Variants in LMBR1 observed in about 807,000 individuals in gnomAD.
The protein encoded by LMBR1 is limb region 1 protein homolog.
In LMBR1, 52 loss-of-function variants were observed where a neutral mutation model predicts 73.9. The observed-to-expected ratio is 0.70, with a 90% CI of 0.56 to 0.89. LMBR1 has a LOEUF of 0.89. LMBR1 is among the 40% of genes least tolerant of loss of function. LMBR1 has a pLI of 0.00. For missense variants in LMBR1, 539 were observed against 579.8 expected, an observed-to-expected ratio of 0.93 and a Z score of 0.72; for synonymous variants, 215 against 209.4, an observed-to-expected ratio of 1.03 and a Z score of -0.23.
At chr7:156,796,063 T>A (rs572645079) in intron 5 of LMBR1, among the ~76,000 whole-genome samples, 1 of 152,148 alleles carries the variant, frequency 6.6e-6, no homozygotes, top group African/African-American at 2.4e-5. Flanking sequence ...GGGGAGCCCA[T>A]GGAAATAACA....
chr7:156,825,516 C>T (rs1374700522), intron 4 of LMBR1, among the ~76,000 whole-genome samples: 1 of 151,966 alleles, frequency 6.6e-6, no homozygotes. Context: ...GCATTGCATG[C>T]CTTTAATATA....
chr7:156,853,305 A>G (rs1042839961), intron 1 of LMBR1, among the ~76,000 whole-genome samples: 1 of 152,046 alleles, frequency 6.6e-6, no homozygotes, highest in Non-Finnish European at 1.5e-5. Flanking sequence ...TCACTAATAT[A>G]TTGTAATAAG....
chr7:156,875,986 T>G (rs115894445), intron 1 of LMBR1, among the ~76,000 whole-genome samples: 20,344 of 151,456 alleles, frequency 0.13, 1,467 homozygotes, highest in Non-Finnish European at 0.16. Context: ...ATATTAACAT[T>G]GGATGTAAAT....
At position 156,882,892 on chromosome 7, in the gene LMBR1, G is replaced by A. The variant is rs557167305; in HGVS notation, c.66+10036C>T. Among the ~76,000 whole-genome samples, 3 of 152,160 alleles carry A rather than the reference G, an allele frequency of 2.0e-5. No homozygotes were observed. The East Asian group carries it at 5.8e-4, about 29-fold the overall frequency. On this transcript the variant is annotated intron_variant, in intron 1 of 16. Coordinates refer to ENST00000353442, the MANE Select transcript of LMBR1 (RefSeq NM_022458.4). ...TAAAAATACAATAAATTAGCTGGAC[G>A]TGGTGGCAGACGCCTGTAATCCCAG...
intron 8 of LMBR1, 73 bp from the exon 9 acceptor site, chr7:156,756,538 T>G: frequency 1.3e-6 from 1 of 752,818 alleles, no homozygotes; most frequent in Non-Finnish European, 2.3e-6. Flanking sequence ...TTTAGGCTAT[T>G]TGGTCAATTT....
chr7:156,713,270 G>A (rs1277315686), intron 15 of LMBR1, among the ~76,000 whole-genome samples: 1 of 152,092 alleles, frequency 6.6e-6, no homozygotes, highest in Non-Finnish European at 1.5e-5. Context: ...GGGCACGGAG[G>A]ATTTTTAGGG....
intron 3 of LMBR1, 81 bp downstream of exon 3, chr7:156,833,672 C>T (rs1466575970): frequency 2.4e-5 from 25 of 1,031,426 alleles, no homozygotes; most frequent in Admixed American, 3.9e-5. Flanking sequence ...TTCCATACTT[C>T]TATCCAAAAA....
chr7:156,838,527 T>A (rs868195624), intron 1 of LMBR1, among the ~76,000 whole-genome samples: 3 of 152,348 alleles, frequency 2.0e-5, no homozygotes, highest in African/African-American at 4.8e-5. Flanking sequence ...GGTTCATCCA[T>A]CTTGCTGCAA....
At chr7:156,672,948 T>C (rs936144759), downstream of LMBR1, among the ~76,000 whole-genome samples, 2 of 152,232 alleles carry the variant, frequency 1.3e-5, no homozygotes, top group African/African-American at 4.8e-5. Context: ...TGGAGGGCTG[T>C]AAAGCATATC....
rs183053155 is a variant in LMBR1 at position 156,864,098 on chromosome 7, G to A, written c.67-27213C>T. Among the ~76,000 whole-genome samples, 1,336 of 152,208 alleles carry A rather than the reference G, an allele frequency of 8.8e-3. 10 individuals are homozygous for A. Among genetic ancestry groups the A allele is most frequent in the Non-Finnish European group, 0.015 (999 of 68,000 alleles). On this transcript the variant is annotated intron_variant, in intron 1 of 16. Coordinates refer to ENST00000353442, the MANE Select transcript of LMBR1 (RefSeq NM_022458.4). ...GAACCTGGGAAGTGGAGGTTGCAGT[G>A]AGCTGAGATCACGCCACTGCACTCC...
chr7:156,689,564 G>A (rs1806724826), intron 15 of LMBR1, among the ~76,000 whole-genome samples: 1 of 152,124 alleles, frequency 6.6e-6, no homozygotes, highest in African/African-American at 2.4e-5. Context: ...ATAAAAACAG[G>A]AGATCTCAAA....
intron 5 of LMBR1, among the ~76,000 whole-genome samples, chr7:156,769,571 G>A (rs955282230): frequency 6.6e-6 from 1 of 152,042 alleles, no homozygotes; most frequent in African/African-American, 2.4e-5. Flanking sequence ...TCAGGTCTGG[G>A]GTCTGGTTCT....
intron 4 of LMBR1, among the ~76,000 whole-genome samples, chr7:156,812,797 C>T (rs1833317343): frequency 6.6e-6 from 1 of 152,194 alleles, no homozygotes; most frequent in Admixed American, 6.5e-5. Context: ...GTGCAGCAAT[C>T]TCCTTTCCAG....
intron 15 of LMBR1, among the ~76,000 whole-genome samples, chr7:156,703,520 G>T (rs181601810): frequency 3.8e-4 from 58 of 152,288 alleles, no homozygotes; most frequent in African/African-American, 1.4e-3. Context: ...GTCGGAACAA[G>T]GGAGGGAGCA....
At chr7:156,792,233 G>C (rs1438868260) in intron 5 of LMBR1, among the ~76,000 whole-genome samples, 2 of 152,126 alleles carry the variant, frequency 1.3e-5, no homozygotes, top group African/African-American at 4.8e-5. Flanking sequence ...GCTGCCTTAA[G>C]ATGTTCCCTG....
At chr7:156,741,310 A>G (rs1286051973) in intron 9 of LMBR1, among the ~76,000 whole-genome samples, 2 of 152,196 alleles carry the variant, frequency 1.3e-5, no homozygotes, top group Admixed American at 6.5e-5. Flanking sequence ...CTTATCAATA[A>G]TAACACTGAT....
intron 5 of LMBR1, among the ~76,000 whole-genome samples, chr7:156,790,876 G>A (rs1829095239): frequency 6.6e-6 from 1 of 152,080 alleles, no homozygotes; most frequent in Non-Finnish European, 1.5e-5. Flanking sequence ...TGTTTCAAAT[G>A]CTCACTTTAC....
chr7:156,826,790 T>A, intron 3 of LMBR1, 46 bp from the exon 4 acceptor site: 1 of 1,542,852 alleles, frequency 6.5e-7, no homozygotes. Flanking sequence ...GAAAAAGCAA[T>A]GAACACGAAA....
At chr7:156,675,725 C>G (rs1256893031), downstream of LMBR1, 1 of 1,613,908 alleles carries the variant, frequency 6.2e-7, no homozygotes, top group South Asian at 1.1e-5. Flanking sequence ...GCATCCTGTG[C>G]TCATACAACA....
Sources: gnomAD v4.1 joint callset for allele counts (sites outside exome capture counted in the v4.1 genomes callset) on GRCh38, gnomAD v4.1.1 for gene constraint, MANE v1.5 for transcripts, NCBI Gene and HGNC (gene_info 2026-07-23, HGNC 2026-07-21) for gene names.